TRIP4: variants seen among roughly 807,000 people sequenced by gnomAD.
TRIP4 encodes activating signal cointegrator 1.
In TRIP4, 54 loss-of-function variants were observed where a neutral mutation model predicts 81.8. The observed-to-expected ratio is 0.66, with a 90% CI of 0.53 to 0.83. TRIP4 has a LOEUF of 0.83. Ranked by LOEUF, TRIP4 falls within the 40% of genes least tolerant of loss-of-function variation. The pLI, the probability that TRIP4 is intolerant of heterozygous loss-of-function variation, is 0.00. For missense variants in TRIP4, 662 were observed against 683.6 expected, an observed-to-expected ratio of 0.97 and a Z score of 0.35; for synonymous variants, 270 against 242.8, an observed-to-expected ratio of 1.11 and a Z score of -1.04.
chr15:64,405,267 G>A (rs919715040), intron 5 of TRIP4, among the ~76,000 whole-genome samples: 7 of 151,218 alleles, frequency 4.6e-5, no homozygotes, highest in Admixed American at 2.0e-4. Flanking sequence ...CCATTGTCCT[G>A]CCTCAGCCTC....
chr15:64,424,025 T>C lies in TRIP4; in HGVS notation c.1359-6T>C. 2.5e-6 allele frequency: 4 copies of C among 1,613,920 alleles called. No homozygotes were observed. Among genetic ancestry groups the C allele is most frequent in the Non-Finnish European group, 3.4e-6 (4 of 1,179,950 alleles). ...ATCCTTCCCACTAAATTTCTATTTG[T>C]TTAAGGGTGGAGGGCAGATCCTGGT... On this transcript the variant is annotated splice_polypyrimidine_tract_variant and splice_region_variant and intron_variant, in intron 9 of 12. Coordinates refer to ENST00000261884, the MANE Select transcript of TRIP4 (RefSeq NM_016213.5).
chr15:64,414,313 C>T, intron 8 of TRIP4, 102 bp downstream of exon 8: 1 of 1,458,588 alleles, frequency 6.9e-7, no homozygotes, highest in Non-Finnish European at 9.4e-7. Context: ...AATCAGCTCT[C>T]TCAATACACC....
chr15:64,450,028 A>T (rs900908145), intron 12 of TRIP4, among the ~76,000 whole-genome samples: 1 of 152,156 alleles, frequency 6.6e-6, no homozygotes, highest in Non-Finnish European at 1.5e-5. Flanking sequence ...TACAGAAACT[A>T]AGTGTTACAC....
chr15:64,406,411 A>G lies in TRIP4; in HGVS notation c.779A>G (p.Glu260Gly), dbSNP rs1596341254. ...HQELRIKSGL[E>G]KAIKHKDKLL... ...GAATTGCGAATTAAGTCTGGTCTGGAGAAGGCTATCAAGCATAAAGACAAA... is the reference window on the plus strand; with the variant it reads ...GAATTGCGAATTAAGTCTGGTCTGGGGAAGGCTATCAAGCATAAAGACAAA... The change falls in exon 6 of 13, where the codon GAG (glutamate) becomes GGG (glycine). Residue 260 changes from glutamate (E) to glycine (G), a missense_variant. Coordinates refer to ENST00000261884, the MANE Select transcript of TRIP4 (RefSeq NM_016213.5). 1 of 1,614,188 alleles carries G rather than the reference A, an allele frequency of 6.2e-7. No homozygotes were observed. Among genetic ancestry groups the G allele is most frequent in the Non-Finnish European group, 8.5e-7 (1 of 1,180,032 alleles).
intron 11 of TRIP4, among the ~76,000 whole-genome samples, chr15:64,428,006 G>A (rs926771257): frequency 1.3e-5 from 2 of 151,136 alleles, no homozygotes; most frequent in African/African-American, 4.9e-5. Flanking sequence ...ACCTTACACT[G>A]GTGTAGGCTT....
chr15:64,424,700 A>G (rs1892099271), intron 10 of TRIP4, among the ~76,000 whole-genome samples: 1 of 152,234 alleles, frequency 6.6e-6, no homozygotes, highest in Non-Finnish European at 1.5e-5. Flanking sequence ...CTACACAACC[A>G]TCTTTAAAGG....
rs1420298891 is a variant in TRIP4, at chr15:64,455,119, A to G, written c.*55A>G. 2.2e-5 allele frequency: 34 copies of G among 1,529,310 alleles called. No individual in the cohort carries two copies. Among genetic ancestry groups the G allele is most frequent in the Non-Finnish European group, 1.8e-5 (20 of 1,108,092 alleles). 94.7% of individuals were successfully genotyped at this position (1,529,310 alleles called of 1,614,324 possible). ...TGGAGTTTTGTGTACTAAAATTGCTATCTACTGGTCCTTTGGAATTGAAGT... is the reference window on the plus strand; with the variant it reads ...TGGAGTTTTGTGTACTAAAATTGCTGTCTACTGGTCCTTTGGAATTGAAGT... On this transcript the variant is annotated 3_prime_UTR_variant, in exon 13 of 13. Transcript: ENST00000261884.
intron 12 of TRIP4, among the ~76,000 whole-genome samples, chr15:64,448,527 A>C (rs1409025456): frequency 6.6e-6 from 1 of 152,162 alleles, no homozygotes; most frequent in Non-Finnish European, 1.5e-5. Context: ...GCAGTGGCAC[A>C]ATCTCAATTC....
At chr15:64,418,444 A>G (rs935594440) in intron 8 of TRIP4, 97 bp from the exon 9 acceptor site, 14 of 1,300,706 alleles carry the variant, frequency 1.1e-5, no homozygotes, top group Admixed American at 2.7e-5. Context: ...AATGTTCCCA[A>G]TATGATTTCC....
chr15:64,423,526 C>T (rs944836351), intron 9 of TRIP4, among the ~76,000 whole-genome samples: 6 of 143,898 alleles, frequency 4.2e-5, no homozygotes, highest in African/African-American at 1.0e-4. Context: ...TAAAGATAAG[C>T]GTTTTTATTT....
chr15:64,391,930 C>T (rs1189695194), intron 1 of TRIP4, among the ~76,000 whole-genome samples: 1 of 130,782 alleles, frequency 7.6e-6, no homozygotes, highest in Non-Finnish European at 1.6e-5. Flanking sequence ...AAGATAGCAC[C>T]ACTGCACTCC....
intron 11 of TRIP4, among the ~76,000 whole-genome samples, chr15:64,433,410 G>C (rs895371285): frequency 2.0e-5 from 3 of 151,982 alleles, no homozygotes; most frequent in African/African-American, 7.3e-5. Flanking sequence ...AGACCAGCCT[G>C]GTCAACATAA....
At chr15:64,435,375 A>T (rs1892367380) in intron 11 of TRIP4, among the ~76,000 whole-genome samples, 3 of 151,366 alleles carry the variant, frequency 2.0e-5, no homozygotes, top group Admixed American at 1.3e-4. Context: ...ATACAAAAAA[A>T]ATCTGCCGGG....
At chr15:64,420,988 G>A (rs1229971252) in intron 9 of TRIP4, among the ~76,000 whole-genome samples, 1 of 151,804 alleles carries the variant, frequency 6.6e-6, no homozygotes, top group African/African-American at 2.4e-5. Flanking sequence ...ATCAGCAATG[G>A]AACACATGTA....
chr15:64,415,670 A>G (rs192426258), intron 8 of TRIP4, among the ~76,000 whole-genome samples: 3 of 152,344 alleles, frequency 2.0e-5, no homozygotes, highest in Non-Finnish European at 4.4e-5. Context: ...AGGGCCTACT[A>G]TAATCTAATA....
At chr15:64,420,969 G>A (rs771163605) in intron 9 of TRIP4, among the ~76,000 whole-genome samples, 45 of 151,894 alleles carry the variant, frequency 3.0e-4, no homozygotes, top group Non-Finnish European at 1.9e-4. Context: ...GCTGCATAAC[G>A]ACTTTTCAAT....
At chr15:64,423,943 T>A in intron 9 of TRIP4, 88 bp from the exon 10 acceptor site, 1 of 1,527,324 alleles carries the variant, frequency 6.5e-7, no homozygotes, top group Non-Finnish European at 8.9e-7. Context: ...TTCAACTGGA[T>A]AATTTGCTAT....
intron 6 of TRIP4, among the ~76,000 whole-genome samples, chr15:64,409,255 G>A (rs1196926378): frequency 6.6e-6 from 1 of 151,874 alleles, no homozygotes; most frequent in African/African-American, 2.4e-5. Context: ...ACTCCAGTAA[G>A]CAAATAAGCC....
intron 5 of TRIP4, among the ~76,000 whole-genome samples, chr15:64,402,116 G>A (rs999232384): frequency 3.3e-5 from 5 of 151,974 alleles, no homozygotes; most frequent in Non-Finnish European, 4.4e-5. Flanking sequence ...AGATAAGATG[G>A]TAACATTAAA....
Sources: allele counts gnomAD v4.1 joint callset (sites outside exome capture counted in the v4.1 genomes callset), GRCh38; gene constraint gnomAD v4.1.1; transcripts MANE v1.5; gene names NCBI Gene and HGNC (gene_info 2026-07-23, HGNC 2026-07-21).